Variants in USH2A observed in about 807,000 individuals in gnomAD.
USH2A encodes usherin.
In USH2A, 443 loss-of-function variants were observed where a neutral mutation model predicts 538.9. The observed-to-expected ratio is 0.82, with a 90% CI of 0.76 to 0.89. USH2A has a LOEUF of 0.89. Ranked by LOEUF, USH2A falls within the 40% of genes least tolerant of loss-of-function variation. The pLI is 0.00. For synonymous variants in USH2A, 2,413 were observed against 2,273.5 expected, an observed-to-expected ratio of 1.06 and a Z score of -1.75; for missense variants, 6,633 against 6,324.8, an observed-to-expected ratio of 1.05 and a Z score of -1.65.
intron 56 of USH2A, among the ~76,000 whole-genome samples, chr1:215,761,974 A>C (rs559243507): frequency 1.2e-4 from 18 of 152,302 alleles, no homozygotes; most frequent in African/African-American, 4.1e-4. Flanking sequence ...CTTTTAGAAG[A>C]AAAATTTTCA....
intron 38 of USH2A, among the ~76,000 whole-genome samples, chr1:215,923,271 A>G (rs983392278): frequency 6.6e-6 from 1 of 152,090 alleles, no homozygotes; most frequent in African/African-American, 2.4e-5. Context: ...AAACAAACAA[A>G]AAAACACTCA....
intron 61 of USH2A, among the ~76,000 whole-genome samples, chr1:215,697,614 C>T (rs767775705): frequency 4.1e-4 from 63 of 151,986 alleles, no homozygotes; most frequent in Admixed American, 8.5e-4. Context: ...CTCCGCCTCC[C>T]GGGTTCAAGC....
At position 216,062,018 on chromosome 1, in the gene USH2A, A is replaced by C. The variant is rs115335587; in HGVS notation, c.6049+8083T>G. ...TGAAAACAGTTTAATTTTCCCATGCAAACACCCAGTCAGAAGGTTATATTA... is the reference window on the plus strand; with the variant it reads ...TGAAAACAGTTTAATTTTCCCATGCCAACACCCAGTCAGAAGGTTATATTA... On this transcript the variant is annotated intron_variant, in intron 30 of 71. Transcript: ENST00000307340. Among the ~76,000 whole-genome samples the C allele has an allele frequency of 8.7e-3, 1,329 of 152,312 alleles. 23 individuals carry two copies. The highest frequency in any genetic ancestry group is 0.03 in the African/African-American group (1,256 of 41,574).
At chr1:215,960,298 GCTA>G (rs1331087025) in intron 37 of USH2A, among the ~76,000 whole-genome samples, 3 of 152,040 alleles carry the variant, frequency 2.0e-5, no homozygotes, top group Admixed American at 6.6e-5. Flanking sequence ...AAGCCAGGTT[GCTA>G]CTACTATGCT....
chr1:216,161,535 A>T (rs971079777), intron 21 of USH2A, among the ~76,000 whole-genome samples: 1 of 152,084 alleles, frequency 6.6e-6, no homozygotes, highest in African/African-American at 2.4e-5. Flanking sequence ...ACATGTTATC[A>T]ACTTCAAAGT....
At position 215,741,400 on chromosome 1, in the gene USH2A, T is replaced by G. The variant is rs1367518542; in HGVS notation, c.11686A>C (p.Ile3896Leu). ...KWMPPEKPNG[I>L]IINYFIYRRP... ...CTGTAAATAAAGTAGTTGATGATGA[T>G]TCCATTTGGTTTTTCAGGTGGCATC... Residue 3896 changes from isoleucine to leucine, a missense_variant, in exon 60 of 72, where the codon ATC (isoleucine) becomes CTC (leucine). Ile to Leu is a conservative substitution (Grantham distance 5). Coordinates refer to ENST00000307340, the MANE Select transcript of USH2A (RefSeq NM_206933.4). 2.5e-6 allele frequency: 4 copies of G among 1,614,010 alleles called. No individual in the cohort carries two copies. The highest frequency in any genetic ancestry group is 3.4e-6 in the Non-Finnish European group (4 of 1,180,022).
chr1:216,408,437 A>G (rs924711354), intron 3 of USH2A, among the ~76,000 whole-genome samples: 3 of 152,194 alleles, frequency 2.0e-5, no homozygotes, highest in African/African-American at 4.8e-5. Context: ...AACCCAATAT[A>G]TGCTATGTTT....
At chr1:215,897,935 T>C (rs954989526) in intron 40 of USH2A, among the ~76,000 whole-genome samples, 3 of 152,176 alleles carry the variant, frequency 2.0e-5, no homozygotes, top group Admixed American at 1.3e-4. Context: ...TTTGTAGCCT[T>C]GACAGAAAAA....
chr1:216,185,311 A>G (rs890043312), intron 20 of USH2A, among the ~76,000 whole-genome samples: 1 of 151,910 alleles, frequency 6.6e-6, no homozygotes, highest in Admixed American at 6.6e-5. Context: ...TACCCATTCT[A>G]ATCATATATT....
intron 58 of USH2A, among the ~76,000 whole-genome samples, chr1:215,749,152 C>A (rs1011215791): frequency 1.3e-5 from 2 of 152,090 alleles, no homozygotes; most frequent in African/African-American, 4.8e-5. Flanking sequence ...GAGTGGCGTT[C>A]CCTCCAATTC....
At chr1:216,128,744 T>C (rs1386674595) in intron 21 of USH2A, among the ~76,000 whole-genome samples, 1 of 152,082 alleles carries the variant, frequency 6.6e-6, no homozygotes, top group Non-Finnish European at 1.5e-5. Context: ...TTTCTTTGTG[T>C]TGGGAACACT....
At chr1:216,139,159 C>T (rs571475460) in intron 21 of USH2A, among the ~76,000 whole-genome samples, 1 of 151,982 alleles carries the variant, frequency 6.6e-6, no homozygotes, top group African/African-American at 2.4e-5. Context: ...CTCTAATTAC[C>T]AACTGCTGAG....
chr1:215,844,627 C>G, intron 45 of USH2A, 131 bp from the exon 46 acceptor site: 1 of 937,140 alleles, frequency 1.1e-6, no homozygotes. Context: ...ATGAAGTTAT[C>G]ACAGTCTGTA....
chr1:215,881,240 G>C (rs1012659963), intron 41 of USH2A, among the ~76,000 whole-genome samples: 2 of 152,012 alleles, frequency 1.3e-5, no homozygotes, highest in Non-Finnish European at 2.9e-5. Context: ...TTCTGGGTTC[G>C]AGCGATTCTC....
intron 20 of USH2A, 113 bp from the exon 21 acceptor site, chr1:216,175,595 A>C: frequency 9.6e-7 from 1 of 1,041,838 alleles, no homozygotes; most frequent in South Asian, 1.4e-5. Flanking sequence ...AAATCAAATC[A>C]GTTGTGGTTT....
At chr1:216,269,338 C>T (rs2036533191) in intron 11 of USH2A, among the ~76,000 whole-genome samples, 1 of 152,066 alleles carries the variant, frequency 6.6e-6, no homozygotes, top group Admixed American at 6.6e-5. Flanking sequence ...CTTGCTGCCA[C>T]CCATACAAGA....
At chr1:215,978,310 T>C (rs2102464565) in intron 35 of USH2A, among the ~76,000 whole-genome samples, 1 of 152,236 alleles carries the variant, frequency 6.6e-6, no homozygotes, top group South Asian at 2.1e-4. Context: ...CATACAAATA[T>C]AAATTTAGTT....
chr1:216,053,630 C>T (rs947488440), intron 30 of USH2A, among the ~76,000 whole-genome samples: 4 of 152,030 alleles, frequency 2.6e-5, no homozygotes, highest in Non-Finnish European at 4.4e-5. Flanking sequence ...ATTCAATAAG[C>T]ATAAAGTAAG....
chr1:216,046,006 GGTGTGT>G (rs59426829), intron 32 of USH2A, among the ~76,000 whole-genome samples: 18,162 of 137,632 alleles, frequency 0.13, 1,256 homozygotes, highest in African/African-American at 0.19. Flanking sequence ...CTATTTATCT[GGTGTGT>G]GTGTGTGTGT....
Sources: gnomAD v4.1 joint callset for allele counts (sites outside exome capture counted in the v4.1 genomes callset) on GRCh38, gnomAD v4.1.1 for gene constraint, MANE v1.5 for transcripts, NCBI Gene and HGNC (gene_info 2026-07-23, HGNC 2026-07-21) for gene names.